The following MUSK variants were observed in gnomAD, a reference collection of about 807,000 sequenced individuals.
The protein encoded by MUSK is muscle, skeletal receptor tyrosine-protein kinase.
In MUSK, 55 loss-of-function variants were observed where a neutral mutation model predicts 88.7. The ratio of observed to expected loss-of-function variants is 0.62; its 90% CI spans 0.50 to 0.78. MUSK has a LOEUF of 0.78. Ranked by LOEUF, MUSK falls within the 30% of genes least tolerant of loss-of-function variation. The probability of loss-of-function intolerance (pLI) is 0.00; values close to 1 mark genes in which losing one functional copy is unlikely to be tolerated. For synonymous variants in MUSK, 387 were observed against 391.9 expected (o/e 0.99, Z 0.15); for missense variants, 1,015 against 1,074.3 (o/e 0.94, Z 0.77).
At chr9:110,689,342 A>G in intron 3 of MUSK, among the ~76,000 whole-genome samples, 1 of 118,102 alleles carries the variant, frequency 8.5e-6, no homozygotes, top group African/African-American at 3.5e-5. Context: ...TTAAATATAA[A>G]TATATAAATA....
At position 110,806,114 on chromosome 9, in the gene MUSK, T is replaced by G. The variant is rs2078158935; in HGVS notation, c.*5126T>G. On this transcript the variant is annotated 3_prime_UTR_variant, in exon 15 of 15. Transcript: ENST00000374448. ...CTAAGTGCTAACCACTTCACCCATT[T>G]ATAGTGTTAGTTCTTCTGGTGATTA... Among the ~76,000 whole-genome samples the G allele has an allele frequency of 6.6e-6, 1 of 152,184 alleles. No individual in the cohort carries two copies. Among genetic ancestry groups the G allele is most frequent in the Admixed American group, 6.5e-5 (1 of 15,274 alleles).
chr9:110,687,021 A>G, intron 2 of MUSK, 96 bp from the exon 3 acceptor site: 3 of 1,227,948 alleles, frequency 2.4e-6, no homozygotes, highest in Non-Finnish European at 3.5e-6. Context: ...CCTTTATTCT[A>G]CTTCCTCATT....
At chr9:110,671,382 A>T (rs1271805621) in intron 1 of MUSK, among the ~76,000 whole-genome samples, 1 of 152,198 alleles carries the variant, frequency 6.6e-6, no homozygotes, top group Admixed American at 6.5e-5. Context: ...AGTTTTTTAG[A>T]TAATATACTT....
intron 1 of MUSK, among the ~76,000 whole-genome samples, chr9:110,671,591 A>G (rs1187499177): frequency 6.6e-6 from 1 of 152,198 alleles, no homozygotes; most frequent in Non-Finnish European, 1.5e-5. Context: ...AATTAAGGCT[A>G]CTAATGCCCA....
chr9:110,776,145 G>A (rs755232831), intron 10 of MUSK, among the ~76,000 whole-genome samples, 182 bp downstream of exon 10: 1 of 151,902 alleles, frequency 6.6e-6, no homozygotes, highest in Non-Finnish European at 1.5e-5. Context: ...ACAGATTAGC[G>A]TAAAGATTTA....
chr9:110,764,622 GATA>G (rs2077450041), intron 8 of MUSK, among the ~76,000 whole-genome samples: 2 of 151,868 alleles, frequency 1.3e-5, no homozygotes, highest in Non-Finnish European at 2.9e-5. Flanking sequence ...TAGATAGATA[GATA>G]GATAGATAGA....
intron 5 of MUSK, among the ~76,000 whole-genome samples, chr9:110,705,169 C>A (rs1587932608): frequency 6.6e-6 from 1 of 152,028 alleles, no homozygotes; most frequent in Non-Finnish European, 1.5e-5. Context: ...GATAAAGTAA[C>A]ATGAATCTTT....
At chr9:110,701,351 T>C (rs2076497661) in intron 5 of MUSK, among the ~76,000 whole-genome samples, 1 of 152,194 alleles carries the variant, frequency 6.6e-6, no homozygotes, top group South Asian at 2.1e-4. Flanking sequence ...TGTTGGAGTT[T>C]TGTCAGGAAG....
intron 5 of MUSK, among the ~76,000 whole-genome samples, chr9:110,703,579 T>A (rs117696744): frequency 0.12 from 18,969 of 151,794 alleles, 1,526 homozygotes; most frequent in East Asian, 0.2. Flanking sequence ...GCGGTTTTGA[T>A]AAATAATTAA....
intron 5 of MUSK, among the ~76,000 whole-genome samples, chr9:110,704,977 T>A: frequency 7.2e-6 from 1 of 139,498 alleles, no homozygotes; most frequent in African/African-American, 2.7e-5. Context: ...AGTGCAAGAT[T>A]CCATCTCAAA....
chr9:110,773,796 T>G (rs1468896518), intron 9 of MUSK, among the ~76,000 whole-genome samples: 1 of 152,146 alleles, frequency 6.6e-6, no homozygotes, highest in Non-Finnish European at 1.5e-5. Context: ...CTGGCCATGT[T>G]GTAATAAAGA....
chr9:110,692,054 A>G (rs2131701911), intron 3 of MUSK, among the ~76,000 whole-genome samples: 1 of 152,242 alleles, frequency 6.6e-6, no homozygotes, highest in Admixed American at 6.5e-5. Context: ...TAGAGTTCAT[A>G]AATTTCACAA....
At chr9:110,678,071 A>G (rs573230584) in intron 1 of MUSK, among the ~76,000 whole-genome samples, 1 of 152,010 alleles carries the variant, frequency 6.6e-6, no homozygotes, top group African/African-American at 2.4e-5. Context: ...TATTCCAAAG[A>G]TTGATTTGAG....
chr9:110,689,318 T>A (rs1165072369), intron 3 of MUSK, among the ~76,000 whole-genome samples: 2 of 117,290 alleles, frequency 1.7e-5, no homozygotes, highest in Non-Finnish European at 3.2e-5. Context: ...TTTAAATATA[T>A]ATTAAATATA....
At chr9:110,732,654 C>T (rs2076980520) in intron 5 of MUSK, among the ~76,000 whole-genome samples, 2 of 151,860 alleles carry the variant, frequency 1.3e-5, no homozygotes, top group Admixed American at 6.6e-5. Flanking sequence ...TTAATTGGAC[C>T]CCAGGACTTA....
chr9:110,761,504 CCTTCTT>C (rs1426814567), intron 7 of MUSK, among the ~76,000 whole-genome samples: 1 of 151,282 alleles, frequency 6.6e-6, no homozygotes, highest in African/African-American at 2.4e-5. Context: ...TTCTCCTTCT[CCTTCTT>C]TTTTCTTTTT....
chr9:110,717,534 A>G (rs1255518793), intron 5 of MUSK, among the ~76,000 whole-genome samples: 1 of 150,066 alleles, frequency 6.7e-6, no homozygotes, highest in Non-Finnish European at 1.5e-5. Context: ...CTATCAATAT[A>G]TGCCACCAAT....
At chr9:110,685,948 C>T (rs76542407) in intron 2 of MUSK, among the ~76,000 whole-genome samples, 141 of 152,242 alleles carry the variant, frequency 9.3e-4, no homozygotes, top group Admixed American at 1.6e-3. Context: ...CACCACACTT[C>T]CAGGTACCAA....
In MUSK at chr9:110,681,081, T is replaced by A. The variant is rs759155060; in HGVS notation, c.80-1593T>A. 4.4e-3 allele frequency among the ~76,000 whole-genome samples: 55 copies of A among 12,378 alleles called. 7 individuals are homozygous for A. Among genetic ancestry groups the A allele is most frequent in the African/African-American group, 0.02 (43 of 2,100 alleles). The allele number at this position is 12,378 out of a possible 152,430, so 8.1% of individuals were successfully genotyped here. A position where few individuals can be genotyped will look rare whatever the true frequency, so the allele number is the denominator to read the frequency against. ...ATTATATATATAATATTATATATATTATATAATATATATTATATAATATAT... is the reference window on the plus strand; with the variant it reads ...ATTATATATATAATATTATATATATAATATAATATATATTATATAATATAT... On this transcript the variant is annotated intron_variant, in intron 1 of 14. Coordinates refer to ENST00000374448, the MANE Select transcript of MUSK (RefSeq NM_005592.4).
Sources: allele counts gnomAD v4.1 joint callset (sites outside exome capture counted in the v4.1 genomes callset), GRCh38; gene constraint gnomAD v4.1.1; transcripts MANE v1.5; gene names NCBI Gene and HGNC (gene_info 2026-07-23, HGNC 2026-07-21).